GALNT17: variants seen among roughly 807,000 people sequenced by gnomAD.
GALNT17 encodes the protein polypeptide N-acetylgalactosaminyltransferase 17, also known as UDP-GalNAc:polypeptide N-acetylgalactosaminyltransferase-like 3.
A neutral mutation model predicts 63.7 loss-of-function variants in GALNT17; 29 were observed. The observed-to-expected ratio is 0.46, with a 90% CI of 0.34 to 0.62. GALNT17 has a LOEUF of 0.62. GALNT17 is among the 20% of genes least tolerant of loss of function. The pLI is 0.01. For missense variants in GALNT17, 603 were observed against 799.6 expected (o/e 0.75, Z 2.97); for synonymous variants, 305 against 318.3 (o/e 0.96, Z 0.45).
In GALNT17 at chr7:71,203,793, G is replaced by A. The variant is rs1789219485; in HGVS notation, c.238+70753G>A. ...GAGCAAATGAGAGAGTGGGTCAGGA[G>A]GTACCACACACTTTTAAGTGACAAA... On this transcript the variant is annotated intron_variant, in intron 1 of 10. Coordinates refer to ENST00000333538, the MANE Select transcript of GALNT17 (RefSeq NM_022479.3). 2.6e-5 allele frequency among the ~76,000 whole-genome samples: 4 copies of A among 152,084 alleles called. No individual in the cohort carries two copies. In the South Asian group the frequency reaches 8.3e-4, roughly 32 times the overall value.
At position 71,677,316 on chromosome 7, in the gene GALNT17, C is replaced by G; in HGVS notation, c.1500+10C>G. 6.2e-7 allele frequency: 1 copy of G among 1,612,022 alleles called. No individual in the cohort carries two copies. The highest frequency in any genetic ancestry group is 8.5e-7 in the Non-Finnish European group (1 of 1,178,802). On this transcript the variant is annotated intron_variant, in intron 9 of 10. Transcript: ENST00000333538. Reference sequence around the variant, plus strand: ...TGGCTGGGGACCACAGGTAGGAGCTCGTCTCTGACCAGGAAGGAAGTAATA... The same window carrying G: ...TGGCTGGGGACCACAGGTAGGAGCTGGTCTCTGACCAGGAAGGAAGTAATA...
chr7:71,285,745 AAACACAGAAT>A (rs1562970593), intron 1 of GALNT17, among the ~76,000 whole-genome samples: 5 of 152,048 alleles, frequency 3.3e-5, no homozygotes, highest in African/African-American at 1.2e-4. Flanking sequence ...AGCCCTCACC[AAACACAGAAT>A]GTGCTGGTGC....
chr7:71,378,317 G>T (rs1792782710), intron 2 of GALNT17, among the ~76,000 whole-genome samples: 1 of 152,140 alleles, frequency 6.6e-6, no homozygotes, highest in Admixed American at 6.5e-5. Flanking sequence ...GCACCTCTCA[G>T]TGATTCCAAC....
At chr7:71,433,920 A>C (rs1029100972) in intron 5 of GALNT17, among the ~76,000 whole-genome samples, 1 of 148,428 alleles carries the variant, frequency 6.7e-6, no homozygotes, top group African/African-American at 2.5e-5. Flanking sequence ...GCACCATCTA[A>C]TCAGCTGCCA....
intron 2 of GALNT17, among the ~76,000 whole-genome samples, chr7:71,379,821 T>G (rs988119610): frequency 1.5e-4 from 23 of 152,050 alleles, no homozygotes; most frequent in Admixed American, 1.5e-3. Flanking sequence ...GATGTGGGTT[T>G]GGGAGTTGCC....
intron 5 of GALNT17, among the ~76,000 whole-genome samples, chr7:71,538,953 T>C (rs1366505817): frequency 6.6e-6 from 1 of 152,036 alleles, no homozygotes; most frequent in East Asian, 1.9e-4. Flanking sequence ...TTTTTGTTTG[T>C]TTTTGAGGAG....
intron 6 of GALNT17, among the ~76,000 whole-genome samples, chr7:71,588,381 G>C (rs371078550): frequency 1.1e-4 from 16 of 151,964 alleles, no homozygotes; most frequent in African/African-American, 3.6e-4. Flanking sequence ...GGTTTGTTTT[G>C]TCCCTAGGAT....
intron 6 of GALNT17, among the ~76,000 whole-genome samples, chr7:71,614,530 A>G (rs897120751): frequency 6.6e-6 from 1 of 151,708 alleles, no homozygotes; most frequent in Non-Finnish European, 1.5e-5. Flanking sequence ...CTGAGATGGA[A>G]GATTGCTTGA....
intron 3 of GALNT17, among the ~76,000 whole-genome samples, chr7:71,398,354 G>GT (rs1793177920): frequency 6.6e-6 from 1 of 151,742 alleles, no homozygotes; most frequent in Non-Finnish European, 1.5e-5. Flanking sequence ...TCTCGCTTCA[G>GT]TTTTTTTATT....
chr7:71,221,531 C>G (rs972603181), intron 1 of GALNT17, among the ~76,000 whole-genome samples: 1 of 151,952 alleles, frequency 6.6e-6, no homozygotes, highest in African/African-American at 2.4e-5. Context: ...TTTCTTCTTT[C>G]AAACTTCTGT....
At chr7:71,471,979 T>C (rs549488739) in intron 5 of GALNT17, among the ~76,000 whole-genome samples, 1 of 152,064 alleles carries the variant, frequency 6.6e-6, no homozygotes, top group South Asian at 2.1e-4. Flanking sequence ...TGGGCTGCTG[T>C]AACAAAATAA....
At chr7:71,352,393 A>C (rs546052363) in intron 2 of GALNT17, among the ~76,000 whole-genome samples, 23 of 152,332 alleles carry the variant, frequency 1.5e-4, no homozygotes, top group Non-Finnish European at 3.2e-4. Flanking sequence ...GATGGGAAGA[A>C]GTAGAGATTT....
At chr7:71,266,138 C>T (rs77500035) in intron 1 of GALNT17, among the ~76,000 whole-genome samples, 106 of 152,238 alleles carry the variant, frequency 7.0e-4, no homozygotes, top group African/African-American at 2.4e-3. Context: ...TACTTTGATC[C>T]TCCTGTATAC....
chr7:71,483,666 A>G (rs73367508), intron 5 of GALNT17, among the ~76,000 whole-genome samples: 7,595 of 151,674 alleles, frequency 0.05, 658 homozygotes, highest in African/African-American at 0.17. Flanking sequence ...AGCAATTCTT[A>G]TACTAATTTA....
intron 5 of GALNT17, among the ~76,000 whole-genome samples, chr7:71,520,044 A>T (rs1293455020): frequency 1.3e-5 from 2 of 152,164 alleles, no homozygotes; most frequent in African/African-American, 4.8e-5. Flanking sequence ...GCTCTGAGAA[A>T]CCAGCAAGAG....
chr7:71,421,121 G>T lies in GALNT17; in HGVS notation c.962+16G>T. ...TCCCCATCAGGTCTGTGGCTGGTGA[G>T]CCCTGGCGGCCAACGAGCCCCCAAA... On this transcript the variant is annotated intron_variant, in intron 5 of 10. Coordinates refer to ENST00000333538, the MANE Select transcript of GALNT17 (RefSeq NM_022479.3). 1.2e-5 allele frequency: 19 copies of T among 1,613,532 alleles called. No individual in the cohort carries two copies. Among genetic ancestry groups the T allele is most frequent in the Non-Finnish European group, 1.6e-5 (19 of 1,179,730 alleles).
intron 1 of GALNT17, among the ~76,000 whole-genome samples, chr7:71,334,383 T>C (rs182934227): frequency 4.6e-4 from 70 of 152,218 alleles, no homozygotes; most frequent in African/African-American, 1.7e-3. Flanking sequence ...AGGAGGCTGG[T>C]CCTTCTTTCT....
At chr7:71,240,676 C>CTTTTTTTTTT (rs1562940440) in intron 1 of GALNT17, among the ~76,000 whole-genome samples, 9 of 137,302 alleles carry the variant, frequency 6.6e-5, no homozygotes, top group East Asian at 2.4e-4. Context: ...TCTTTTTTTC[C>CTTTTTTTTTT]TTTTTTTTGA....
intron 1 of GALNT17, among the ~76,000 whole-genome samples, chr7:71,329,663 G>T (rs981384602): frequency 6.6e-6 from 1 of 152,114 alleles, no homozygotes; most frequent in Non-Finnish European, 1.5e-5. Flanking sequence ...GAGAGAGAGA[G>T]AGAGAGAAGG....
Sources: allele counts gnomAD v4.1 joint callset (sites outside exome capture counted in the v4.1 genomes callset), GRCh38; gene constraint gnomAD v4.1.1; transcripts MANE v1.5; gene names NCBI Gene and HGNC (gene_info 2026-07-23, HGNC 2026-07-21).